Variants in MATN2 observed in about 807,000 individuals in gnomAD.
MATN2 encodes the protein matrilin-2.
Under a neutral mutation model 103.2 loss-of-function variants are expected in MATN2, and 69 were observed. That is an observed-to-expected ratio of 0.67 (90% CI 0.55 to 0.82). The LOEUF (loss-of-function observed/expected upper bound fraction) is 0.82. MATN2 is among the 40% of genes least tolerant of loss of function. The probability of loss-of-function intolerance (pLI) is 0.00; values close to 1 mark genes in which losing one functional copy is unlikely to be tolerated. For missense variants in MATN2, 1,023 were observed against 1,211.5 expected, an observed-to-expected ratio of 0.84 and a Z score of 2.31; for synonymous variants, 429 against 450.2, an observed-to-expected ratio of 0.95 and a Z score of 0.60.
chr8:98,030,473 T>C lies in MATN2; in HGVS notation c.2368T>C (p.Tyr790His). ...TTCCTGCACCCTAGGTATCACTATG[T>C]ATGCTGTTGGGGTAGGAAAAGCCAT... The part of the protein sequence containing the change: ...SKAKANGITM[Y>H]AVGVGKAIEE... Residue 790 changes from tyrosine (Y) to histidine (H), a missense_variant, in exon 15 of 19, where the codon TAT (tyrosine) becomes CAT (histidine). By Grantham distance (83) the Tyr-to-His change is moderately conservative. Transcript: ENST00000254898. 1.2e-6 allele frequency: 2 copies of C among 1,613,338 alleles called. No homozygotes were observed. Among genetic ancestry groups the C allele is most frequent in the Non-Finnish European group, 1.7e-6 (2 of 1,179,610 alleles).
intron 4 of MATN2, among the ~76,000 whole-genome samples, chr8:97,942,678 C>G (rs890204031): frequency 1.3e-5 from 2 of 152,198 alleles, no homozygotes; most frequent in Admixed American, 6.5e-5. Flanking sequence ...ACACTTAGTT[C>G]GTGCAGTGCA....
intron 2 of MATN2, among the ~76,000 whole-genome samples, chr8:97,929,686 C>T (rs751404214): frequency 6.6e-6 from 1 of 152,178 alleles, no homozygotes; most frequent in Non-Finnish European, 1.5e-5. Flanking sequence ...TTAACTGTGT[C>T]CTTTGTTGAA....
Position 97,979,119 on chromosome 8 carries a change from G to A in MATN2, c.1081+111G>A, listed in dbSNP as rs143640582. On this transcript the variant is annotated intron_variant, in intron 6 of 18. Coordinates refer to ENST00000254898, the MANE Select transcript of MATN2 (RefSeq NM_002380.5). Reference sequence around the variant, plus strand: ...ATTAGCAATATAATTATGTCATGGGGGTCTAATACCTTTTGCCCCATTCCT... The same window carrying A: ...ATTAGCAATATAATTATGTCATGGGAGTCTAATACCTTTTGCCCCATTCCT... 3.0e-5 allele frequency: 38 copies of A among 1,284,694 alleles called. No homozygotes were observed. In the African/African-American group the frequency reaches 5.6e-4, roughly 19 times the overall value. The allele number at this position is 1,284,694 out of a possible 1,614,324, so 79.6% of individuals were successfully genotyped here.
intron 4 of MATN2, among the ~76,000 whole-genome samples, chr8:97,953,560 GCA>G (rs1227532368): frequency 1.3e-5 from 2 of 152,200 alleles, no homozygotes; most frequent in Admixed American, 6.5e-5. Context: ...GCCAAGGCGG[GCA>G]GATCACCTGA....
At chr8:97,883,718 C>A (rs1818329103) in intron 1 of MATN2, among the ~76,000 whole-genome samples, 1 of 152,084 alleles carries the variant, frequency 6.6e-6, no homozygotes, top group Non-Finnish European at 1.5e-5. Flanking sequence ...CCACACCCGG[C>A]TAATTTTTTG....
intron 5 of MATN2, among the ~76,000 whole-genome samples, chr8:97,974,974 C>T (rs1029813944): frequency 3.3e-5 from 5 of 152,176 alleles, no homozygotes; most frequent in Non-Finnish European, 5.9e-5. Flanking sequence ...GACAAGTTCT[C>T]AAGCGATGGT....
chr8:97,920,800 C>T (rs971107692), intron 2 of MATN2, among the ~76,000 whole-genome samples: 2 of 152,072 alleles, frequency 1.3e-5, no homozygotes, highest in Non-Finnish European at 2.9e-5. Context: ...GAAGACAAAT[C>T]GGTTTATTTT....
chr8:97,992,745 C>CAAAAAAAAAAAAAAAAAAAAAAAAA (rs58985201), intron 6 of MATN2, among the ~76,000 whole-genome samples: 6 of 49,578 alleles, frequency 1.2e-4, no homozygotes, highest in African/African-American at 5.4e-4. Context: ...GACTCCATCT[C>CAAAAAAAAAAAAAAAAAAAAAAAAA]AAAAAAAAAA....
At chr8:97,877,012 T>C (rs1163443000) in intron 1 of MATN2, among the ~76,000 whole-genome samples, 1 of 151,280 alleles carries the variant, frequency 6.6e-6, no homozygotes, top group Non-Finnish European at 1.5e-5. Flanking sequence ...ACTTCTTTTT[T>C]TTTTTTTTTT....
rs773581030 is a variant in MATN2, at chr8:97,994,571, T to C, written c.1173T>C (p.Phe391=). 6.2e-7 allele frequency: 1 copy of C among 1,613,634 alleles called. No homozygotes were observed. Among genetic ancestry groups the C allele is most frequent in the Non-Finnish European group, 8.5e-7 (1 of 1,179,808 alleles). ...ATTCCTGCCACTGCCTGAAAGGCTT[T>C]ACCCTGAATCCAGATAAGAAAACCT... The part of the protein sequence containing the change: ...DSYSCHCLKG[F]TLNPDKKTCR... Residue 391 remains phenylalanine (F), a synonymous_variant, in exon 7 of 19, where the codon TTT becomes TTC. Coordinates refer to ENST00000254898, the MANE Select transcript of MATN2 (RefSeq NM_002380.5).
intron 8 of MATN2, 148 bp downstream of exon 8, chr8:98,003,931 A>G: frequency 1.2e-6 from 1 of 864,600 alleles, no homozygotes; most frequent in Middle Eastern, 3.5e-4. Flanking sequence ...CAGTTTCATC[A>G]CCCATAGAAT....
chr8:97,951,443 T>TC (rs1810948822), intron 4 of MATN2, among the ~76,000 whole-genome samples: 1 of 151,946 alleles, frequency 6.6e-6, no homozygotes, highest in Non-Finnish European at 1.5e-5. Flanking sequence ...CAAAGTGTGG[T>TC]CCCCCCGGAA....
chr8:98,024,692 G>A (rs1048385330), intron 13 of MATN2, among the ~76,000 whole-genome samples: 11 of 152,204 alleles, frequency 7.2e-5, no homozygotes, highest in Non-Finnish European at 1.5e-4. Flanking sequence ...CAGCAGGGCT[G>A]GAGTAGATGA....
chr8:97,978,033 T>A (rs1586115089), intron 5 of MATN2, among the ~76,000 whole-genome samples: 1 of 152,318 alleles, frequency 6.6e-6, no homozygotes, highest in East Asian at 1.9e-4. Context: ...CCTAATAGAC[T>A]ATGCTATTTA....
intron 1 of MATN2, among the ~76,000 whole-genome samples, chr8:97,883,408 G>T (rs778525949): frequency 2.6e-5 from 4 of 151,898 alleles, no homozygotes; most frequent in Non-Finnish European, 5.9e-5. Context: ...TTTGTTTTGA[G>T]ACAGAGTCTC....
chr8:97,907,717 A>G (rs1338121325), intron 2 of MATN2, among the ~76,000 whole-genome samples: 2 of 152,198 alleles, frequency 1.3e-5, no homozygotes, highest in African/African-American at 4.8e-5. Context: ...TCTTGTTTGT[A>G]AAATGAGGAT....
chr8:97,930,363 C>A (rs1187720359), intron 2 of MATN2, among the ~76,000 whole-genome samples: 1 of 152,178 alleles, frequency 6.6e-6, no homozygotes, highest in Non-Finnish European at 1.5e-5. Flanking sequence ...ATAATTTTGA[C>A]CCTGATCAGG....
In MATN2 at chr8:97,954,958, T is replaced by A. The variant is rs1417358946; in HGVS notation, c.836-6450T>A. ...CTTCCTGAGAAAGCAGACTTTCAGG[T>A]GAGTACTAAAGGAGGTATGAGAGTT... On this transcript the variant is annotated intron_variant, in intron 4 of 18. Transcript: ENST00000254898. 4.6e-5 allele frequency among the ~76,000 whole-genome samples: 7 copies of A among 152,006 alleles called. No homozygotes were observed. The South Asian group carries it at 8.3e-4, about 18-fold the overall frequency.
Position 97,994,748 on chromosome 8 carries a change from G to A in MATN2, c.1204+146G>A. On this transcript the variant is annotated intron_variant, in intron 7 of 18. Transcript: ENST00000254898. Reference sequence around the variant, plus strand: ...TATTCTCCCCTTTATTTTACTTTTTGGCTCACTAGATCCTATTATGTGGAT... The same window carrying A: ...TATTCTCCCCTTTATTTTACTTTTTAGCTCACTAGATCCTATTATGTGGAT... The A allele has an allele frequency of 4.4e-6, 4 of 905,066 alleles. No individual in the cohort carries two copies. The South Asian group carries it at 5.8e-5, about 13-fold the overall frequency. The allele number at this position is 905,066 out of a possible 1,614,324, so 56.1% of individuals were successfully genotyped here.
Sources: allele counts gnomAD v4.1 joint callset (sites outside exome capture counted in the v4.1 genomes callset), GRCh38; gene constraint gnomAD v4.1.1; transcripts MANE v1.5; gene names NCBI Gene and HGNC (gene_info 2026-07-23, HGNC 2026-07-21).